Variants in PIK3R2 observed in about 807,000 individuals in gnomAD.
The protein encoded by PIK3R2 is phosphoinositide-3-kinase regulatory subunit 2.
In PIK3R2, 40 loss-of-function variants were observed where a neutral mutation model predicts 78.5. That is an observed-to-expected ratio of 0.51 (90% CI 0.40 to 0.66). The LOEUF (loss-of-function observed/expected upper bound fraction) is 0.66. PIK3R2 is among the 30% of genes least tolerant of loss of function. PIK3R2 has a pLI of 0.00. For synonymous variants in PIK3R2, 473 were observed against 457.7 expected (o/e 1.03, Z -0.43); for missense variants, 880 against 1,026.6 (o/e 0.86, Z 1.95).
Position 18,162,046 on chromosome 19 carries a change from C to T in PIK3R2, c.896C>T (p.Pro299Leu). The T allele has an allele frequency of 6.2e-7, 1 of 1,613,676 alleles. No homozygotes were observed. The highest frequency in any genetic ancestry group is 8.5e-7 in the Non-Finnish European group (1 of 1,179,792). Residue 299 changes from proline (P) to leucine (L), a missense_variant, in exon 7 of 16, where the codon CCC becomes CTC. Pro to Leu is a moderately conservative substitution (Grantham distance 98). Around this residue, in one of 3 missense-constraint regions of PIK3R2, gnomAD observed 456 missense variants for 486.6 expected, o/e 0.94. Transcript: ENST00000222254. ...CACTTGGAAGAGCAGGAGGTTGCGCCCCCAGGTGAGTCCCCTGTATTGCTG... is the reference window on the plus strand; with the variant it reads ...CACTTGGAAGAGCAGGAGGTTGCGCTCCCAGGTGAGTCCCCTGTATTGCTG... Reference protein sequence around the residue: ...QEHLEEQEVAPPALPPKPPKA... With the variant: ...QEHLEEQEVALPALPPKPPKA...
At position 18,161,050 on chromosome 19, in the gene PIK3R2, G is replaced by C. The variant is rs746291932; in HGVS notation, c.467-4G>C. 6.2e-7 allele frequency: 1 copy of C among 1,610,782 alleles called. No individual in the cohort carries two copies. Among genetic ancestry groups the C allele is most frequent in the Non-Finnish European group, 8.5e-7 (1 of 1,178,970 alleles). ...GTTGGACGTGTGCCCCCCTGCACCC[G>C]CAGACTGGTCCCTGAGCGACGTGGA... On this transcript the variant is annotated splice_region_variant and splice_polypyrimidine_tract_variant and intron_variant, in intron 4 of 15. Coordinates refer to ENST00000222254, the MANE Select transcript of PIK3R2 (RefSeq NM_005027.4). This position sits in a 1 kb window ranked among gnomAD's most constrained non-coding sequence, Gnocchi z 5.3.
chr19:18,161,271 G>A lies in PIK3R2; in HGVS notation c.599-8G>A, dbSNP rs1210352725. On this transcript the variant is annotated splice_region_variant and splice_polypyrimidine_tract_variant and intron_variant, in intron 5 of 15. Coordinates refer to ENST00000222254, the MANE Select transcript of PIK3R2 (RefSeq NM_005027.4). The surrounding 1 kb of genome is among the most constrained non-coding windows in gnomAD (Gnocchi z 5.3). ...CTGGCTCACCCTGCCCTGGCCATCT[G>A]TCCGCAGAGGCCGCGGGGCCCGTGG... 1.4e-6 allele frequency: 2 copies of A among 1,409,422 alleles called. No individual in the cohort carries two copies. The highest frequency in any genetic ancestry group is 1.8e-6 in the Non-Finnish European group (2 of 1,090,376). The allele number at this position is 1,409,422 out of a possible 1,614,324, so 87.3% of individuals were successfully genotyped here. A position where few individuals can be genotyped will look rare whatever the true frequency, so the allele number is the denominator to read the frequency against.
rs2147951874 is a variant in PIK3R2 at position 18,162,272 on chromosome 19, C to T, written c.972C>T (p.Ser324=). Residue 324 remains serine, a synonymous_variant, in exon 8 of 16, where the codon TCC becomes TCT. Coordinates refer to ENST00000222254, the MANE Select transcript of PIK3R2 (RefSeq NM_005027.4). The part of the protein sequence containing the change: ...TVLANGGSPP[S]LQDAEWYWGD... ...TGGCCAATGGAGGGAGCCCACCCTC[C>T]CTGCAGGATGCTGAGTGGTACTGGG... is the stretch of plus-strand genomic sequence containing the variant. 1 of 1,611,234 alleles carries T rather than the reference C, an allele frequency of 6.2e-7. No individual in the cohort carries two copies. Among genetic ancestry groups the T allele is most frequent in the Non-Finnish European group, 8.5e-7 (1 of 1,177,888 alleles).
Position 18,167,625 on chromosome 19 carries a change from G to A in PIK3R2, c.1736+319G>A, listed in dbSNP as rs35297580. 0.037 allele frequency among the ~76,000 whole-genome samples: 5,647 copies of A among 152,088 alleles called. 151 individuals carry two copies. Among genetic ancestry groups the A allele is most frequent in the Middle Eastern group, 0.088 (26 of 294 alleles). On this transcript the variant is annotated intron_variant, in intron 13 of 15. Coordinates refer to ENST00000222254, the MANE Select transcript of PIK3R2 (RefSeq NM_005027.4). This position sits in a 1 kb window ranked among gnomAD's most constrained non-coding sequence, Gnocchi z 4.5. ...TCCCAGCACTTTGGGAGGCTGAGGC[G>A]GGCAGATGGATCACTTGAGGCCAGG...
At position 18,168,856 on chromosome 19, in the gene PIK3R2, C is replaced by T. The variant is rs2043836782; in HGVS notation, c.1939C>T (p.Arg647Cys). The stretch of plus-strand genomic sequence containing the variant: ...CAAGCGGGATGGCACCTTCCTCATC[C>T]GCGAGAGCAGCCAGCGGGGCTGCTA... ...SGKRDGTFLI[R>C]ESSQRGCYAC... is the part of the protein sequence containing the mutation. The change falls in exon 15 of 16, where the codon CGC (arginine) becomes TGC (cysteine). Residue 647 changes from arginine (R) to cysteine (C), a missense_variant. Coordinates refer to ENST00000222254, the MANE Select transcript of PIK3R2 (RefSeq NM_005027.4). This position sits in a 1 kb window ranked among gnomAD's most constrained non-coding sequence, Gnocchi z 4.1. 6.2e-7 allele frequency: 1 copy of T among 1,613,616 alleles called. No individual in the cohort carries two copies. Among genetic ancestry groups the T allele is most frequent in the Non-Finnish European group, 8.5e-7 (1 of 1,179,822 alleles).
At chr19:18,158,523 C>A (rs371113927) in intron 2 of PIK3R2, among the ~76,000 whole-genome samples, 907 of 83,880 alleles carry the variant, frequency 0.011, 8 homozygotes, top group African/African-American at 0.035. Context: ...CAACAAAAAA[C>A]GAGGAGGCCA....
Position 18,161,608 on chromosome 19 carries a change from A to G in PIK3R2, c.815+113A>G. 2.1e-6 allele frequency: 1 copy of G among 476,164 alleles called. No homozygotes were observed. Among genetic ancestry groups the G allele is most frequent in the East Asian group, 3.8e-5 (1 of 26,478 alleles). 29.5% of individuals were successfully genotyped at this position (476,164 alleles called of 1,614,324 possible). ...CCTAAGAAGGGAGGGGATGGGGTCC[A>G]GAGTGAGAAGCTGCGTTCTTGTGAT... On this transcript the variant is annotated intron_variant, in intron 6 of 15. Transcript: ENST00000222254. The surrounding 1 kb of genome is among the most constrained non-coding windows in gnomAD (Gnocchi z 5.3).
Position 18,160,784 on chromosome 19 carries a change from C to G in PIK3R2, c.416-135C>G, listed in dbSNP as rs1357306657. 4 of 1,129,232 alleles carry G rather than the reference C, an allele frequency of 3.5e-6. No individual in the cohort carries two copies. In the African/African-American group the frequency reaches 6.2e-5, roughly 17 times the overall value. 70.0% of individuals were successfully genotyped at this position (1,129,232 alleles called of 1,614,324 possible). On this transcript the variant is annotated intron_variant, in intron 3 of 15. Transcript: ENST00000222254. ...GCATGTGCTGTGCCCTCTCCCAGTTCTCCCTCCCCACCCCTCCCATGCCCT... is the reference window on the plus strand; with the variant it reads ...GCATGTGCTGTGCCCTCTCCCAGTTGTCCCTCCCCACCCCTCCCATGCCCT...
chr19:18,165,492 C>T (rs1396879765), intron 11 of PIK3R2, among the ~76,000 whole-genome samples: 1 of 152,124 alleles, frequency 6.6e-6, no homozygotes, highest in Admixed American at 6.6e-5. Context: ...CAAGATCACG[C>T]CACTGCTCCA....
At chr19:18,159,898 C>T (rs1450091150) in intron 2 of PIK3R2, among the ~76,000 whole-genome samples, 11 of 149,836 alleles carry the variant, frequency 7.3e-5, no homozygotes, top group Admixed American at 4.6e-4. Context: ...CCCACCACCA[C>T]GCCCAGCTAA....
chr19:18,162,946 G>A (rs199976440), intron 9 of PIK3R2, 21 bp from the exon 10 acceptor site: 123 of 1,609,176 alleles, frequency 7.6e-5, no homozygotes, highest in Admixed American at 3.0e-4. Context: ...ACTGGGTGCC[G>A]ACACCCCTCT....
intron 11 of PIK3R2, 135 bp downstream of exon 11, chr19:18,163,523 A>G (rs2043775130): frequency 1.1e-6 from 1 of 890,946 alleles, no homozygotes; most frequent in African/African-American, 1.7e-5. Flanking sequence ...CTTAGCACCA[A>G]GGGCTGTTCT....
At chr19:18,162,881 A>G in intron 9 of PIK3R2, 86 bp from the exon 10 acceptor site, 1 of 1,267,380 alleles carries the variant, frequency 7.9e-7, no homozygotes, top group East Asian at 2.4e-5. Flanking sequence ...CAGAGCAGCA[A>G]GACTCTGTCT....
In PIK3R2 at chr19:18,161,366, T is replaced by G; in HGVS notation, c.686T>G (p.Leu229Arg). Residue 229 changes from leucine (L) to arginine (R), a missense_variant, in exon 6 of 16, where the codon CTG becomes CGG. By Grantham distance (102) the Leu-to-Arg change is moderately radical. Transcript: ENST00000222254. This position sits in a 1 kb window ranked among gnomAD's most constrained non-coding sequence, Gnocchi z 5.3. The stretch of plus-strand genomic sequence containing the variant: ...ACGCTGCGCTTCCTGCTCCAGCACC[T>G]GGGCCGCGTGGCCAGCCGCGCCCCG... The part of the protein sequence containing the change: ...ALTLRFLLQH[L>R]GRVASRAPAL... The G allele has an allele frequency of 7.9e-7, 1 of 1,269,894 alleles. No homozygotes were observed. The highest frequency in any genetic ancestry group is 2.7e-5 in the South Asian group (1 of 37,170). The allele number at this position is 1,269,894 out of a possible 1,614,324, so 78.7% of individuals were successfully genotyped here.
intron 2 of PIK3R2, 142 bp from the exon 3 acceptor site, chr19:18,160,329 G>T (rs569959631): frequency 1.6e-6 from 1 of 641,020 alleles, no homozygotes; most frequent in Non-Finnish European, 2.8e-6. Flanking sequence ...AGCCTCCTGC[G>T]GATGGGAGTC....
chr19:18,169,039 T>G, intron 15 of PIK3R2, 48 bp from the exon 16 acceptor site: 1 of 1,583,468 alleles, frequency 6.3e-7, no homozygotes, highest in African/African-American at 1.3e-5. Context: ...GGGGAAAGCT[T>G]GGCGGGGAGG....
chr19:18,163,849 G>C (rs1249423397), intron 11 of PIK3R2, among the ~76,000 whole-genome samples: 1 of 151,108 alleles, frequency 6.6e-6, no homozygotes, highest in African/African-American at 2.4e-5. Context: ...GTACGAGGCT[G>C]GGTGGGGTGG....
intron 1 of PIK3R2, among the ~76,000 whole-genome samples, chr19:18,153,515 C>A (rs1385275457): frequency 6.6e-6 from 1 of 152,114 alleles, no homozygotes. Flanking sequence ...GGGAGAGACT[C>A]CCCGCGTCCA....
At position 18,168,251 on chromosome 19, in the gene PIK3R2, C is replaced by CA. The variant is rs911873008; in HGVS notation, c.1737-217dup. 4.6e-5 allele frequency among the ~76,000 whole-genome samples: 7 copies of CA among 151,972 alleles called. No individual in the cohort carries two copies. The highest frequency in any genetic ancestry group is 1.2e-4 in the African/African-American group (5 of 41,406). On this transcript the variant is annotated intron_variant, in intron 13 of 15. Transcript: ENST00000222254. The surrounding 1 kb of genome is among the most constrained non-coding windows in gnomAD (Gnocchi z 4.1). Reference sequence around the variant, plus strand: ...GGGACTCCATAGGCGTTAACAGAAACAAAAAAATGAGGGGTGTGGGTCAGG... The same window carrying CA: ...GGGACTCCATAGGCGTTAACAGAAACAAAAAAAATGAGGGGTGTGGGTCAGG...
Sources: allele counts gnomAD v4.1 joint callset (sites outside exome capture counted in the v4.1 genomes callset), GRCh38; gene constraint gnomAD v4.1.1; regional missense constraint gnomAD v4.1.1; non-coding constraint Gnocchi (gnomAD v3.1); transcripts MANE v1.5; gene names NCBI Gene and HGNC (gene_info 2026-07-23, HGNC 2026-07-21).